Variants in ZCCHC14 observed in about 807,000 individuals in gnomAD.
ZCCHC14 encodes zinc finger CCHC-type containing 14.
ZCCHC14 carries 16 observed loss-of-function variants against 85.0 expected under a neutral mutation model. The observed-to-expected ratio is 0.19, with a 90% CI of 0.13 to 0.29. ZCCHC14 has a LOEUF of 0.29. Ranked by LOEUF, ZCCHC14 falls within the 10% of genes least tolerant of loss-of-function variation. ZCCHC14 has a pLI of 1.00. For missense variants in ZCCHC14, 1,303 were observed against 1,443.5 expected (o/e 0.90, Z 1.58); for synonymous variants, 775 against 630.7 (o/e 1.23, Z -3.43).
intron 3 of ZCCHC14, among the ~76,000 whole-genome samples, chr16:87,432,604 T>C (rs1180472978): frequency 2.6e-5 from 4 of 152,132 alleles, no homozygotes; most frequent in Admixed American, 6.5e-5. Flanking sequence ...CTGCACGCCC[T>C]GCTGTGAGAG....
At chr16:87,458,360 G>C (rs1034035309) in intron 2 of ZCCHC14, among the ~76,000 whole-genome samples, 11 of 152,198 alleles carry the variant, frequency 7.2e-5, no homozygotes, top group Non-Finnish European at 1.3e-4. Context: ...GAGCATCGCG[G>C]CATCACCAGG....
chr16:87,412,617 C>T lies in ZCCHC14; in HGVS notation c.2104G>A (p.Ala702Thr), dbSNP rs764240955. The change falls in exon 12 of 13, where the codon GCG becomes ACG. Residue 702 changes from alanine (A) to threonine (T), a missense_variant. Coordinates refer to ENST00000671377, the MANE Select transcript of ZCCHC14 (RefSeq NM_015144.3). The stretch of plus-strand genomic sequence containing the variant: ...TGCACAGGCTGGTGGGGTGCGGACG[C>T]GGGCAGCACGTCCATCATGGCGCTG... The part of the protein sequence containing the change: ...FGSAMMDVLP[A>T]SAPHQPVQVL... 1.9e-5 allele frequency: 31 copies of T among 1,614,166 alleles called. No homozygotes were observed. In the South Asian group the frequency reaches 2.6e-4, roughly 14 times the overall value.
chr16:87,469,789 C>A (rs1911697535), intron 1 of ZCCHC14, among the ~76,000 whole-genome samples: 1 of 152,148 alleles, frequency 6.6e-6, no homozygotes. Context: ...GTGTCTACAG[C>A]ATCTGCTGCA....
intron 4 of ZCCHC14, 47 bp downstream of exon 4, chr16:87,423,763 G>T (rs767905289): frequency 1.3e-6 from 2 of 1,599,032 alleles, no homozygotes; most frequent in East Asian, 2.2e-5. Context: ...TCAGCCACTG[G>T]GGAATGTGAT....
In ZCCHC14 at chr16:87,411,757, G is replaced by A. The variant is rs1050846; in HGVS notation, c.2964C>T (p.His988=). 0.39 allele frequency: 625,351 copies of A among 1,612,810 alleles called. 136,471 individuals carry two copies. The highest frequency in any genetic ancestry group is 0.45 in the Non-Finnish European group (535,099 of 1,179,552). Residue 988 remains histidine (H), a synonymous_variant, in exon 12 of 13, where the codon CAC becomes CAT. Coordinates refer to ENST00000671377, the MANE Select transcript of ZCCHC14 (RefSeq NM_015144.3). ...GGGTCCCGCTGCTGCTGTAAGGGGC[G>A]TGCACGACGGGGAAGGTGGAGCCGC... ...YGGGSTFPVV[H]APYSSSGTPD...
chr16:87,436,401 C>T (rs1400519704), intron 2 of ZCCHC14, among the ~76,000 whole-genome samples: 2 of 152,222 alleles, frequency 1.3e-5, no homozygotes, highest in Admixed American at 6.5e-5. Flanking sequence ...ATGTGCTCCG[C>T]GGGCTCTGAA....
intron 2 of ZCCHC14, among the ~76,000 whole-genome samples, chr16:87,455,758 T>C (rs1378653794): frequency 1.3e-5 from 2 of 152,224 alleles, no homozygotes; most frequent in East Asian, 3.8e-4. Context: ...AAAAGCAACA[T>C]GCATTCAGAA....
At chr16:87,477,153 CA>C (rs1412376609) in intron 1 of ZCCHC14, among the ~76,000 whole-genome samples, 14 of 116,200 alleles carry the variant, frequency 1.2e-4, no homozygotes, top group African/African-American at 4.9e-4. Flanking sequence ...AAAACAAAAC[CA>C]AAAAAAAATT....
chr16:87,483,003 C>G (rs561082390), intron 1 of ZCCHC14, among the ~76,000 whole-genome samples: 1 of 151,318 alleles, frequency 6.6e-6, no homozygotes, highest in Non-Finnish European at 1.5e-5. Flanking sequence ...TGACACAAAA[C>G]CCAGAAGCCA....
In ZCCHC14 at chr16:87,417,725, G is replaced by A. The variant is rs1399047306; in HGVS notation, c.1118C>T (p.Ala373Val). 1.9e-6 allele frequency: 3 copies of A among 1,599,000 alleles called. No homozygotes were observed. Among genetic ancestry groups the A allele is most frequent in the African/African-American group, 2.7e-5 (2 of 74,696 alleles). The change falls in exon 8 of 13, where the codon GCT (alanine) becomes GTT (valine). Residue 373 changes from alanine to valine, a missense_variant. Coordinates refer to ENST00000671377, the MANE Select transcript of ZCCHC14 (RefSeq NM_015144.3). ...TCCGCTCTGCGAGGACGGGATACCAGCCACTCCACACACAGGCCTGTGGGA... is the reference window on the plus strand; with the variant it reads ...TCCGCTCTGCGAGGACGGGATACCAACCACTCCACACACAGGCCTGTGGGA... ...GVSGRPVCGV[A>V]GIPSSQSGAQ...
At chr16:87,415,092 A>C (rs549248173) in intron 9 of ZCCHC14, among the ~76,000 whole-genome samples, 184 bp downstream of exon 9, 2 of 152,354 alleles carry the variant, frequency 1.3e-5, no homozygotes, top group East Asian at 3.9e-4. Flanking sequence ...TCAAAAAATA[A>C]ATAAATAAAA....
chr16:87,475,333 C>A (rs1301562461), intron 1 of ZCCHC14, among the ~76,000 whole-genome samples: 1 of 152,152 alleles, frequency 6.6e-6, no homozygotes, highest in East Asian at 1.9e-4. Flanking sequence ...AGGCGGATCA[C>A]CTGAGGTCAG....
intron 1 of ZCCHC14, among the ~76,000 whole-genome samples, chr16:87,476,729 C>T (rs551410741): frequency 8.8e-6 from 1 of 113,864 alleles, no homozygotes; most frequent in East Asian, 2.5e-4. Context: ...GTTTTTAAGG[C>T]CTGGGGGTGG....
intron 2 of ZCCHC14, among the ~76,000 whole-genome samples, chr16:87,454,541 G>A (rs1025386339): frequency 6.6e-6 from 1 of 152,128 alleles, no homozygotes; most frequent in Non-Finnish European, 1.5e-5. Context: ...CCAGAATGAA[G>A]GCAAAACAAA....
At chr16:87,441,090 G>A (rs558202343) in intron 2 of ZCCHC14, among the ~76,000 whole-genome samples, 27 of 149,692 alleles carry the variant, frequency 1.8e-4, no homozygotes, top group African/African-American at 6.2e-4. Context: ...TGCAAGCTCC[G>A]CCTCCCGGGT....
At chr16:87,446,796 G>A (rs1032169544) in intron 2 of ZCCHC14, among the ~76,000 whole-genome samples, 1 of 151,674 alleles carries the variant, frequency 6.6e-6, no homozygotes, top group Admixed American at 6.6e-5. Context: ...CAATTCTCTT[G>A]TCTCAGCCTC....
At chr16:87,423,775 C>A (rs1395357782) in intron 4 of ZCCHC14, 35 bp downstream of exon 4, 1 of 1,608,516 alleles carries the variant, frequency 6.2e-7, no homozygotes, top group South Asian at 1.1e-5. Flanking sequence ...GAATGTGATT[C>A]TTTTAATTTT....
At chr16:87,477,151 A>AAAAAAAAAAAAAAAAAAAAAAAAAT (rs1912054945) in intron 1 of ZCCHC14, among the ~76,000 whole-genome samples, 1 of 142,184 alleles carries the variant, frequency 7.0e-6, no homozygotes, top group African/African-American at 2.9e-5. Context: ...ACAAAACAAA[A>AAAAAAAAAAAAAAAAAAAAAAAAAT]CCAAAAAAAA....
chr16:87,449,758 G>A (rs1399084039), intron 2 of ZCCHC14, among the ~76,000 whole-genome samples: 2 of 152,280 alleles, frequency 1.3e-5, no homozygotes, highest in African/African-American at 2.4e-5. Flanking sequence ...AAATGACCCA[G>A]GATAAGCTGG....
Sources: gnomAD v4.1 joint callset for allele counts (sites outside exome capture counted in the v4.1 genomes callset) on GRCh38, gnomAD v4.1.1 for gene constraint, MANE v1.5 for transcripts, NCBI Gene and HGNC (gene_info 2026-07-23, HGNC 2026-07-21) for gene names.